Variants in HCN1 observed in about 807,000 individuals in gnomAD.
The protein encoded by HCN1 is hyperpolarization activated cyclic nucleotide gated potassium channel 1, also known as potassium/sodium hyperpolarization-activated cyclic nucleotide-gated channel 1.
Under a neutral mutation model 78.9 loss-of-function variants are expected in HCN1, and 13 were observed. The ratio of observed to expected loss-of-function variants is 0.16; its 90% CI spans 0.11 to 0.26. The LOEUF is 0.26. HCN1 is among the 10% of genes least tolerant of loss of function. The probability of loss-of-function intolerance (pLI) is 1.00; values close to 1 mark genes in which losing one functional copy is unlikely to be tolerated. For missense variants in HCN1, 810 were observed against 1,154.3 expected (o/e 0.70, Z 4.32); for synonymous variants, 552 against 455.5 (o/e 1.21, Z -2.70).
chr5:45,420,810 A>G (rs1003514930), intron 3 of HCN1, among the ~76,000 whole-genome samples: 25 of 152,178 alleles, frequency 1.6e-4, no homozygotes, highest in African/African-American at 5.8e-4. Context: ...ATTTTTAGTC[A>G]TATAAGCAAT....
At chr5:45,287,967 T>TA (rs1745301307) in intron 6 of HCN1, among the ~76,000 whole-genome samples, 1 of 152,080 alleles carries the variant, frequency 6.6e-6, no homozygotes, top group Non-Finnish European at 1.5e-5. Flanking sequence ...AAATATTGGA[T>TA]CATTTCATCC....
chr5:45,552,767 T>C (rs1743394184), intron 2 of HCN1, among the ~76,000 whole-genome samples: 1 of 151,914 alleles, frequency 6.6e-6, no homozygotes. Context: ...TTTTGTAAGC[T>C]TATCATTAAA....
chr5:45,453,492 A>G (rs1740964216), intron 3 of HCN1, among the ~76,000 whole-genome samples: 1 of 152,122 alleles, frequency 6.6e-6, no homozygotes, highest in Non-Finnish European at 1.5e-5. Context: ...CTTTTCACGT[A>G]TTTTTCATAT....
At chr5:45,297,905 A>T (rs940935413) in intron 6 of HCN1, among the ~76,000 whole-genome samples, 8 of 152,088 alleles carry the variant, frequency 5.3e-5, no homozygotes, top group African/African-American at 1.9e-4. Context: ...ACAATATCCA[A>T]CACTCATTCA....
At chr5:45,467,392 C>T (rs532414663) in intron 2 of HCN1, among the ~76,000 whole-genome samples, 1 of 152,190 alleles carries the variant, frequency 6.6e-6, no homozygotes, top group Non-Finnish European at 1.5e-5. Flanking sequence ...GCCTACACTA[C>T]CCATAATTTT....
At chr5:45,266,048 G>C (rs1343760237) in intron 7 of HCN1, among the ~76,000 whole-genome samples, 3 of 152,148 alleles carry the variant, frequency 2.0e-5, no homozygotes, top group Non-Finnish European at 2.9e-5. Flanking sequence ...GGGTGGCAAA[G>C]AGGGTTTAGG....
chr5:45,302,514 C>G (rs78584301), intron 6 of HCN1, among the ~76,000 whole-genome samples: 1 of 151,922 alleles, frequency 6.6e-6, no homozygotes, highest in Non-Finnish European at 1.5e-5. Context: ...GCAGCCTTAT[C>G]AAAGAAGCAA....
chr5:45,366,029 T>C (rs2111997681), intron 4 of HCN1, among the ~76,000 whole-genome samples: 1 of 151,976 alleles, frequency 6.6e-6, no homozygotes, highest in South Asian at 2.1e-4. Context: ...AGATACTATT[T>C]CACACCAGGG....
chr5:45,411,318 C>T (rs1319645988), intron 3 of HCN1, among the ~76,000 whole-genome samples: 2 of 151,702 alleles, frequency 1.3e-5, no homozygotes, highest in Non-Finnish European at 2.9e-5. Context: ...AGAGTATTTG[C>T]AACAATCTGT....
intron 2 of HCN1, among the ~76,000 whole-genome samples, chr5:45,503,978 G>A (rs982414220): frequency 6.6e-6 from 1 of 151,936 alleles, no homozygotes; most frequent in Non-Finnish European, 1.5e-5. Context: ...TAGAGACAGG[G>A]TTTCACCATG....
chr5:45,521,212 C>A (rs1000067260), intron 2 of HCN1, among the ~76,000 whole-genome samples: 12 of 151,756 alleles, frequency 7.9e-5, no homozygotes, highest in Admixed American at 2.6e-4. Context: ...AAAGAGGGAG[C>A]CAAGAAAACA....
In HCN1 at chr5:45,529,559, G is replaced by C. The variant is rs370472356; in HGVS notation, c.850-67552C>G. ...GCGTTAGAAATTAATGATGACTCTG[G>C]AAAAATCTAGAAATCAGGAGTGTGT... is the stretch of plus-strand genomic sequence containing the variant. On this transcript the variant is annotated intron_variant, in intron 2 of 7. Transcript: ENST00000303230. Among the ~76,000 whole-genome samples, 5 of 151,932 alleles carry C rather than the reference G, an allele frequency of 3.3e-5. No individual in the cohort carries two copies. The East Asian group carries it at 9.7e-4, about 29-fold the overall frequency.
At chr5:45,336,687 T>A (rs6861150) in intron 5 of HCN1, among the ~76,000 whole-genome samples, 18,771 of 152,020 alleles carry the variant, frequency 0.12, 1,430 homozygotes, top group East Asian at 0.32. Flanking sequence ...GGGTGGCTTA[T>A]GAATAAAAAA....
chr5:45,400,339 C>G (rs1739767212), intron 3 of HCN1, among the ~76,000 whole-genome samples: 2 of 150,850 alleles, frequency 1.3e-5, no homozygotes, highest in Admixed American at 6.6e-5. Flanking sequence ...ACACAAAACA[C>G]ACACCTGTGT....
intron 2 of HCN1, among the ~76,000 whole-genome samples, chr5:45,512,565 T>C (rs1186896258): frequency 6.6e-6 from 1 of 152,038 alleles, no homozygotes; most frequent in Non-Finnish European, 1.5e-5. Context: ...TCTAAGAAAA[T>C]AATTTTTAAA....
intron 3 of HCN1, among the ~76,000 whole-genome samples, chr5:45,454,058 T>C (rs537192517): frequency 6.6e-6 from 1 of 152,250 alleles, no homozygotes; most frequent in Admixed American, 6.5e-5. Context: ...CTTACATTGC[T>C]AAAGCAACTC....
At chr5:45,495,430 T>C (rs1259155181) in intron 2 of HCN1, among the ~76,000 whole-genome samples, 2 of 147,768 alleles carry the variant, frequency 1.4e-5, no homozygotes, top group African/African-American at 2.5e-5. Flanking sequence ...AGAATGCTTG[T>C]GATTTTTGTA....
intron 4 of HCN1, among the ~76,000 whole-genome samples, chr5:45,370,028 A>G (rs1747320772): frequency 6.6e-6 from 1 of 152,056 alleles, no homozygotes; most frequent in South Asian, 2.1e-4. Context: ...TGAAATAAAA[A>G]AAAAACCTCT....
intron 2 of HCN1, among the ~76,000 whole-genome samples, chr5:45,584,706 C>G (rs539492034): frequency 6.6e-6 from 1 of 152,122 alleles, no homozygotes; most frequent in Non-Finnish European, 1.5e-5. Flanking sequence ...CCTTCTGGAG[C>G]TCTTTTAGGG....
Sources: allele counts gnomAD v4.1 joint callset (sites outside exome capture counted in the v4.1 genomes callset), GRCh38; gene constraint gnomAD v4.1.1; transcripts MANE v1.5; gene names NCBI Gene and HGNC (gene_info 2026-07-23, HGNC 2026-07-21).